Variants in COG5 observed in about 807,000 individuals in gnomAD.
The protein encoded by COG5 is conserved oligomeric Golgi complex subunit 5.
Under a neutral mutation model 110.4 loss-of-function variants are expected in COG5, and 86 were observed. The ratio of observed to expected loss-of-function variants is 0.78; its 90% CI spans 0.65 to 0.93. The LOEUF is 0.93. Among genes scored for constraint, COG5 ranks in the 40% least tolerant of loss-of-function variants. The pLI is 0.00. For missense variants in COG5, 1,077 were observed against 987.0 expected (o/e 1.09, Z -1.22); for synonymous variants, 360 against 334.6 (o/e 1.08, Z -0.83).
At chr7:107,344,348 T>C (rs1488463957) in intron 10 of COG5, among the ~76,000 whole-genome samples, 1 of 152,200 alleles carries the variant, frequency 6.6e-6, no homozygotes, top group East Asian at 1.9e-4. Flanking sequence ...AACTAATCTC[T>C]GCTAGCTTCC....
At chr7:107,307,507 T>C (rs939518101) in intron 11 of COG5, among the ~76,000 whole-genome samples, 1 of 152,212 alleles carries the variant, frequency 6.6e-6, no homozygotes, top group Admixed American at 6.5e-5. Context: ...TTTTTATCTA[T>C]ATCCTGGCCA....
chr7:107,451,323 A>G (rs1022955907), intron 6 of COG5, among the ~76,000 whole-genome samples: 1 of 152,150 alleles, frequency 6.6e-6, no homozygotes, highest in Non-Finnish European at 1.5e-5. Context: ...AAGAAGATGT[A>G]GAAGAAGCAG....
chr7:107,385,206 T>C (rs186251056), intron 7 of COG5, among the ~76,000 whole-genome samples: 27 of 152,300 alleles, frequency 1.8e-4, no homozygotes, highest in Admixed American at 6.5e-4. Flanking sequence ...AGGATTGAGA[T>C]TGATGGGAAC....
At position 107,202,301 on chromosome 7, in the gene COG5, C is replaced by T. The variant is rs1201904121; in HGVS notation, c.*1215G>A. On this transcript the variant is annotated 3_prime_UTR_variant, in exon 22 of 22. Coordinates refer to ENST00000297135, the MANE Select transcript of COG5 (RefSeq NM_006348.5). ...GCAACACTTGCACTTTAATTTTCCTCCAACTGTCTAAAATTAGAGCAAATA... is the reference window on the plus strand; with the variant it reads ...GCAACACTTGCACTTTAATTTTCCTTCAACTGTCTAAAATTAGAGCAAATA... 6.6e-6 allele frequency: 1 copy of T among 152,632 alleles called. No homozygotes were observed. Among genetic ancestry groups the T allele is most frequent in the Non-Finnish European group, 1.5e-5 (1 of 68,030 alleles). 9.5% of individuals were successfully genotyped at this position (152,632 alleles called of 1,614,324 possible).
intron 10 of COG5, among the ~76,000 whole-genome samples, chr7:107,332,084 T>C (rs1273570212): frequency 1.3e-5 from 2 of 152,108 alleles, no homozygotes; most frequent in Non-Finnish European, 2.9e-5. Context: ...CCTGACCTCA[T>C]GTGATCGCCC....
Position 107,389,547 on chromosome 7 carries a change from T to C in COG5, c.670-16787A>G, listed in dbSNP as rs138893775. On this transcript the variant is annotated intron_variant, in intron 7 of 21. Transcript: ENST00000297135. ...CTTTCCCAAACATTCCTTCCTGTGCTAAAGGACAAAGCTGGGAAAGTAACG... is the reference window on the plus strand; with the variant it reads ...CTTTCCCAAACATTCCTTCCTGTGCCAAAGGACAAAGCTGGGAAAGTAACG... 9.3e-3 allele frequency among the ~76,000 whole-genome samples: 1,419 copies of C among 152,288 alleles called. 24 individuals are homozygous for C. Among genetic ancestry groups the C allele is most frequent in the African/African-American group, 0.032 (1,321 of 41,542 alleles).
At chr7:107,283,175 C>T (rs1243318699) in intron 13 of COG5, among the ~76,000 whole-genome samples, 1 of 152,120 alleles carries the variant, frequency 6.6e-6, no homozygotes, top group African/African-American at 2.4e-5. Flanking sequence ...ATTCCTATTT[C>T]TGCCATGAAG....
chr7:107,558,914 CA>C (rs34483652), intron 1 of COG5, among the ~76,000 whole-genome samples: 4,268 of 31,166 alleles, frequency 0.14, 343 homozygotes, highest in African/African-American at 0.33. Context: ...GACTTCATCT[CA>C]AAAAAAAAAA....
chr7:107,280,987 T>G (rs1464978927), intron 14 of COG5, among the ~76,000 whole-genome samples: 1 of 151,742 alleles, frequency 6.6e-6, no homozygotes, highest in African/African-American at 2.4e-5. Context: ...TAATTATAAT[T>G]TATGTAAATT....
intron 1 of COG5, among the ~76,000 whole-genome samples, chr7:107,560,253 G>A (rs1447239112): frequency 6.6e-6 from 1 of 152,062 alleles, no homozygotes; most frequent in Non-Finnish European, 1.5e-5. Flanking sequence ...TTCCCACAAA[G>A]CCAATTAACC....
At chr7:107,278,263 C>T (rs987648776) in intron 14 of COG5, among the ~76,000 whole-genome samples, 2 of 150,846 alleles carry the variant, frequency 1.3e-5, no homozygotes, top group African/African-American at 2.4e-5. Context: ...TTTCTTCCTT[C>T]GTTTCTGTTC....
At chr7:107,324,012 C>T (rs955358289) in intron 11 of COG5, among the ~76,000 whole-genome samples, 1 of 152,076 alleles carries the variant, frequency 6.6e-6, no homozygotes, top group Non-Finnish European at 1.5e-5. Flanking sequence ...AGATATTTCA[C>T]CTGTTTATTC....
chr7:107,519,736 T>C (rs1800191887), intron 6 of COG5, among the ~76,000 whole-genome samples: 1 of 152,180 alleles, frequency 6.6e-6, no homozygotes, highest in African/African-American at 2.4e-5. Flanking sequence ...CTGGTACCAC[T>C]CCTTCAGATG....
At chr7:107,346,642 C>T (rs1167072831) in intron 10 of COG5, among the ~76,000 whole-genome samples, 1 of 152,134 alleles carries the variant, frequency 6.6e-6, no homozygotes, top group Non-Finnish European at 1.5e-5. Context: ...TAACTTCTAC[C>T]CATATGTGTC....
chr7:107,415,834 ATGTGTG>A (rs1171649751), intron 6 of COG5, among the ~76,000 whole-genome samples: 1 of 80,072 alleles, frequency 1.2e-5, no homozygotes, highest in African/African-American at 5.2e-5. Flanking sequence ...GTATGTATGT[ATGTGTG>A]TGTATATATA....
chr7:107,310,418 C>T (rs1808120373), intron 11 of COG5, among the ~76,000 whole-genome samples: 1 of 152,102 alleles, frequency 6.6e-6, no homozygotes, highest in African/African-American at 2.4e-5. Context: ...TTTTAAAATA[C>T]ATCAGTATTA....
chr7:107,501,007 A>G (rs926595797), intron 6 of COG5, among the ~76,000 whole-genome samples: 1 of 152,112 alleles, frequency 6.6e-6, no homozygotes, highest in African/African-American at 2.4e-5. Context: ...ACTGTTTCAC[A>G]TTGTTACTGG....
intron 6 of COG5, among the ~76,000 whole-genome samples, chr7:107,419,070 G>T (rs1034016253): frequency 2.0e-5 from 3 of 152,172 alleles, no homozygotes; most frequent in Non-Finnish European, 4.4e-5. Flanking sequence ...ATCTGATGAT[G>T]AAACATGTCT....
intron 7 of COG5, among the ~76,000 whole-genome samples, chr7:107,382,418 C>G (rs769601635): frequency 6.6e-6 from 1 of 152,142 alleles, no homozygotes; most frequent in Non-Finnish European, 1.5e-5. Context: ...AAGTATAAAA[C>G]TGAAGTCTGT....
Sources: allele counts gnomAD v4.1 joint callset (sites outside exome capture counted in the v4.1 genomes callset), GRCh38; gene constraint gnomAD v4.1.1; transcripts MANE v1.5; gene names NCBI Gene and HGNC (gene_info 2026-07-23, HGNC 2026-07-21).